ANO6: variants seen among roughly 807,000 people sequenced by gnomAD.
ANO6 encodes the protein anoctamin 6.
A neutral mutation model predicts 117.5 loss-of-function variants in ANO6; 106 were observed. The ratio of observed to expected loss-of-function variants is 0.90; its 90% CI spans 0.77 to 1.06. The LOEUF (loss-of-function observed/expected upper bound fraction) is 1.06. ANO6 is among the 50% of genes least tolerant of loss of function. The pLI, the probability that ANO6 is intolerant of heterozygous loss-of-function variation, is 0.00. For missense variants in ANO6, 955 were observed against 1,121.1 expected (o/e 0.85, Z 2.12); for synonymous variants, 367 against 385.1 (o/e 0.95, Z 0.55).
At position 45,429,636 on chromosome 12, in the gene ANO6, G is replaced by C. The variant is rs1181096508; in HGVS notation, c.*325G>C. The stretch of plus-strand genomic sequence containing the variant: ...AGAATGGATTCTTTTTTTTCTGTTT[G>C]ATTATTTTCATTTCTGTCTATTCTC... On this transcript the variant is annotated 3_prime_UTR_variant, in exon 20 of 20. Transcript: ENST00000320560. The C allele has an allele frequency of 1.7e-6, 2 of 1,158,166 alleles. No homozygotes were observed. Among genetic ancestry groups the C allele is most frequent in the Non-Finnish European group, 2.1e-6 (2 of 933,780 alleles). 71.7% of individuals were successfully genotyped at this position (1,158,166 alleles called of 1,614,324 possible). A position where few individuals can be genotyped will look rare whatever the true frequency, so the allele number is the denominator to read the frequency against.
At position 45,410,291 on chromosome 12, in the gene ANO6, C is replaced by G. The variant is rs932021688; in HGVS notation, c.2011+804C>G. The stretch of plus-strand genomic sequence containing the variant: ...GCCTGCCTTTGACAGCCTATTTCTT[C>G]TGGCCAGTGGTTTCTGCCTGGTTCC... On this transcript the variant is annotated intron_variant, in intron 16 of 19. Coordinates refer to ENST00000320560, the MANE Select transcript of ANO6 (RefSeq NM_001025356.3). Among the ~76,000 whole-genome samples, 12 of 152,334 alleles carry G rather than the reference C, an allele frequency of 7.9e-5. No individual in the cohort carries two copies. In the East Asian group the frequency reaches 2.3e-3, roughly 29 times the overall value.
chr12:45,269,632 CA>C (rs1938329165), intron 1 of ANO6, among the ~76,000 whole-genome samples: 1 of 152,272 alleles, frequency 6.6e-6, no homozygotes, highest in African/African-American at 2.4e-5. Flanking sequence ...ATATTACAGT[CA>C]ACCATGCAAA....
Position 45,427,936 on chromosome 12 carries a change from CAAAAAAAAAAAA to C in ANO6, c.2527-1159_2527-1148del, listed in dbSNP as rs35996135. Among the ~76,000 whole-genome samples the C allele has an allele frequency of 9.5e-5, 6 of 62,968 alleles. No individual in the cohort carries two copies. The South Asian group carries it at 2.9e-3, about 30-fold the overall frequency. The allele number at this position is 62,968 out of a possible 152,430, so 41.3% of individuals were successfully genotyped here. ...CCTGAGTGACAGCAAGACTCTGCCTCAAAAAAAAAAAAAAAAAAAAAGGTTTGATGATACGAA... is the reference window on the plus strand; with the variant it reads ...CCTGAGTGACAGCAAGACTCTGCCTCAAAAAAAAAGGTTTGATGATACGAA... On this transcript the variant is annotated intron_variant, in intron 19 of 19. Coordinates refer to ENST00000320560, the MANE Select transcript of ANO6 (RefSeq NM_001025356.3).
chr12:45,303,609 C>T (rs1177115353), intron 2 of ANO6, among the ~76,000 whole-genome samples: 1 of 152,208 alleles, frequency 6.6e-6, no homozygotes, highest in Non-Finnish European at 1.5e-5. Context: ...ATGTTGCAGA[C>T]TGGCAAGTCT....
intron 1 of ANO6, among the ~76,000 whole-genome samples, chr12:45,224,021 G>T (rs1947444559): frequency 6.6e-6 from 1 of 152,180 alleles, no homozygotes; most frequent in African/African-American, 2.4e-5. Context: ...AATGCTGAGT[G>T]TATGTATTTT....
intron 2 of ANO6, among the ~76,000 whole-genome samples, chr12:45,302,643 A>G (rs1392658040): frequency 6.6e-6 from 1 of 152,170 alleles, no homozygotes; most frequent in Non-Finnish European, 1.5e-5. Context: ...TCCTACCCTT[A>G]AGGAATTAAA....
chr12:45,320,021 A>T (rs910878108), intron 2 of ANO6, among the ~76,000 whole-genome samples: 2 of 151,988 alleles, frequency 1.3e-5, no homozygotes, highest in African/African-American at 2.4e-5. Context: ...ATTCCTTATT[A>T]GTCTTGCTAG....
chr12:45,422,846 T>G, intron 18 of ANO6, 111 bp from the exon 19 acceptor site: 4 of 831,356 alleles, frequency 4.8e-6, no homozygotes, highest in South Asian at 4.2e-5. Flanking sequence ...AGTGCTAGGA[T>G]TACAGGCATG....
At chr12:45,318,511 G>A (rs1207617628) in intron 2 of ANO6, among the ~76,000 whole-genome samples, 1 of 152,160 alleles carries the variant, frequency 6.6e-6, no homozygotes, top group Non-Finnish European at 1.5e-5. Context: ...GTACCATGCC[G>A]TTTTGATTAC....
At chr12:45,238,501 G>C in intron 1 of ANO6, among the ~76,000 whole-genome samples, 1 of 152,064 alleles carries the variant, frequency 6.6e-6, no homozygotes, top group East Asian at 1.9e-4. Context: ...AACAGGGACA[G>C]TCTGACTTTC....
At chr12:45,225,624 G>A (rs1947470686) in intron 1 of ANO6, among the ~76,000 whole-genome samples, 1 of 152,036 alleles carries the variant, frequency 6.6e-6, no homozygotes, top group African/African-American at 2.4e-5. Context: ...GAGTAGCTGG[G>A]ACTACAGGCA....
rs1026328945 is a variant in ANO6, at chr12:45,431,333, T to G, written c.*2022T>G. On this transcript the variant is annotated 3_prime_UTR_variant, in exon 20 of 20. Transcript: ENST00000320560. ...GGTGTCACTTCCTCTCTAGTACCTC[T>G]TCTCTTCTCTGAAGTGTGTGACTAT... The G allele has an allele frequency of 1.1e-5, 11 of 985,314 alleles. No individual in the cohort carries two copies. Among genetic ancestry groups the G allele is most frequent in the Non-Finnish European group, 1.3e-5 (11 of 829,932 alleles). The allele number at this position is 985,314 out of a possible 1,614,324, so 61.0% of individuals were successfully genotyped here. A position where few individuals can be genotyped will look rare whatever the true frequency, so the allele number is the denominator to read the frequency against.
intron 7 of ANO6, among the ~76,000 whole-genome samples, chr12:45,355,871 T>G (rs1941397909): frequency 6.6e-6 from 1 of 152,040 alleles, no homozygotes; most frequent in African/African-American, 2.4e-5. Context: ...CAGAGCTAAG[T>G]CCCCACGAGG....
At chr12:45,218,990 A>T (rs1947356953) in intron 1 of ANO6, among the ~76,000 whole-genome samples, 1 of 151,962 alleles carries the variant, frequency 6.6e-6, no homozygotes, top group East Asian at 1.9e-4. Flanking sequence ...CCTAGGCTAG[A>T]GTGTAGTGGC....
intron 8 of ANO6, among the ~76,000 whole-genome samples, chr12:45,367,145 C>T (rs1262670335): frequency 6.6e-6 from 1 of 152,114 alleles, no homozygotes; most frequent in Non-Finnish European, 1.5e-5. Flanking sequence ...CCATGCTCTG[C>T]TAATTTTTGT....
chr12:45,265,220 G>A (rs751092377), intron 1 of ANO6, among the ~76,000 whole-genome samples: 13 of 152,078 alleles, frequency 8.5e-5, no homozygotes, highest in Non-Finnish European at 1.8e-4. Context: ...TTGTAGTCTC[G>A]ATTTTAAAGA....
rs553825955 is a variant in ANO6, at chr12:45,396,639, A to G, written c.1387-5156A>G. ...ATGGTACTGGTACCAAAACAGAGAT[A>G]TAGACCAATGGAACAGAACGGAGGC... On this transcript the variant is annotated intron_variant, in intron 12 of 19. Coordinates refer to ENST00000320560, the MANE Select transcript of ANO6 (RefSeq NM_001025356.3). Among the ~76,000 whole-genome samples, 3 of 152,360 alleles carry G rather than the reference A, an allele frequency of 2.0e-5. No individual in the cohort carries two copies. The East Asian group carries it at 5.8e-4, about 29-fold the overall frequency.
At chr12:45,309,870 G>T (rs913939257) in intron 2 of ANO6, among the ~76,000 whole-genome samples, 11 of 151,872 alleles carry the variant, frequency 7.2e-5, no homozygotes, top group African/African-American at 2.7e-4. Flanking sequence ...AACTAAAAAA[G>T]AAACTCAACC....
At chr12:45,336,601 A>G (rs1940832267) in intron 3 of ANO6, among the ~76,000 whole-genome samples, 1 of 152,050 alleles carries the variant, frequency 6.6e-6, no homozygotes, top group Non-Finnish European at 1.5e-5. Context: ...TCATGCTGGT[A>G]TAAACAAACC....
Sources: allele counts gnomAD v4.1 joint callset (sites outside exome capture counted in the v4.1 genomes callset), GRCh38; gene constraint gnomAD v4.1.1; transcripts MANE v1.5; gene names NCBI Gene and HGNC (gene_info 2026-07-23, HGNC 2026-07-21).